OR14I1: variants seen among roughly 807,000 people sequenced by gnomAD.
OR14I1 encodes olfactory receptor family 14 subfamily I member 1.
For missense variants in OR14I1, 279 were observed against 181.8 expected (o/e 1.53, Z -3.07); for synonymous variants, 118 against 71.1 (o/e 1.66, Z -3.32).
chr1:248,701,967 C>A, the OR14I1 span, among the ~76,000 whole-genome samples: 1 of 152,046 alleles, frequency 6.6e-6, no homozygotes, highest in Admixed American at 6.6e-5. Flanking sequence ...CTTACAATCA[C>A]GGTGGAAGGT....
At chr1:248,697,511 G>A in the OR14I1 span, among the ~76,000 whole-genome samples, 14 of 151,296 alleles carry the variant, frequency 9.3e-5, no homozygotes, top group East Asian at 2.5e-3. Context: ...ATGGCCGGGC[G>A]CGGTAGCTCA....
At chr1:248,678,963 G>T (rs1323237801), downstream of OR14I1, among the ~76,000 whole-genome samples, 1 of 152,192 alleles carries the variant, frequency 6.6e-6, no homozygotes, top group Non-Finnish European at 1.5e-5. Flanking sequence ...CCAAAAGCTT[G>T]AAGTTGAAGT....
upstream of OR14I1, among the ~76,000 whole-genome samples, chr1:248,684,728 A>T (rs567474423): frequency 6.8e-6 from 1 of 146,232 alleles, no homozygotes; most frequent in Non-Finnish European, 1.5e-5. Flanking sequence ...CAAATTGTGC[A>T]GTGCATTATT....
chr1:248,685,766 AC>A (rs1313371265), upstream of OR14I1, among the ~76,000 whole-genome samples: 5 of 150,272 alleles, frequency 3.3e-5, no homozygotes, highest in African/African-American at 1.2e-4. Flanking sequence ...ATGTATACAT[AC>A]ATATATATGT....
chr1:248,679,540 C>T (rs1661525403), downstream of OR14I1, among the ~76,000 whole-genome samples: 1 of 152,046 alleles, frequency 6.6e-6, no homozygotes, highest in Non-Finnish European at 1.5e-5. Context: ...TTCTTAGAAG[C>T]CCTGTTGCCT....
chr1:248,682,124 G>C (rs761833364), exon 1 of OR14I1: 39 of 780,956 alleles, frequency 5.0e-5, no homozygotes, highest in Non-Finnish European at 9.1e-5. Flanking sequence ...AGGTTCTTCA[G>C]GAAGAAGTAC....
chr1:248,678,692 A>G (rs1208232001), downstream of OR14I1, among the ~76,000 whole-genome samples: 2 of 152,254 alleles, frequency 1.3e-5, no homozygotes, highest in African/African-American at 2.4e-5. Context: ...AGTATCATTC[A>G]AAAATAAAGG....
the OR14I1 span, among the ~76,000 whole-genome samples, chr1:248,689,783 C>A: frequency 6.6e-6 from 1 of 152,216 alleles, no homozygotes. Flanking sequence ...ACATTCTTCT[C>A]AGCACCACAT....
At chr1:248,681,726 T>C (rs1336722662) in exon 1 of OR14I1, 1 of 780,880 alleles carries the variant, frequency 1.3e-6, no homozygotes, top group Admixed American at 1.7e-5. Context: ...TCAAAAACTC[T>C]ACAAAGAAAA....
At chr1:248,682,159 A>G in exon 1 of OR14I1, 1 of 781,030 alleles carries the variant, frequency 1.3e-6, no homozygotes, top group East Asian at 2.4e-5. Context: ...ATGCTGATCG[A>G]GAGTGATGAC....
At chr1:248,697,862 A>G in the OR14I1 span, among the ~76,000 whole-genome samples, 1 of 152,248 alleles carries the variant, frequency 6.6e-6, no homozygotes, top group Non-Finnish European at 1.5e-5. Context: ...TTTCAAAATA[A>G]GAGCTCTGGA....
downstream of OR14I1, among the ~76,000 whole-genome samples, chr1:248,679,893 G>C (rs184962801): frequency 2.2e-3 from 331 of 152,312 alleles, 1 homozygote; most frequent in African/African-American, 7.0e-3. Flanking sequence ...CATCTTATGA[G>C]AGAAAAACAG....
upstream of OR14I1, among the ~76,000 whole-genome samples, chr1:248,684,625 T>C (rs1271035152): frequency 6.6e-6 from 1 of 152,172 alleles, no homozygotes; most frequent in African/African-American, 2.4e-5. Context: ...AATGGGATAC[T>C]CTACATCAAT....
upstream of OR14I1, among the ~76,000 whole-genome samples, chr1:248,684,114 G>A (rs1661605627): frequency 2.0e-5 from 3 of 152,182 alleles, no homozygotes; most frequent in Admixed American, 2.0e-4. Flanking sequence ...AATGACAAAG[G>A]AGCACTATCC....
the OR14I1 span, among the ~76,000 whole-genome samples, chr1:248,696,006 C>T: frequency 1.3e-5 from 2 of 152,154 alleles, no homozygotes; most frequent in African/African-American, 2.4e-5. Context: ...AAGGCCATCG[C>T]GATCATGTGT....
the OR14I1 span, among the ~76,000 whole-genome samples, chr1:248,701,844 T>G: frequency 6.6e-6 from 1 of 152,156 alleles, no homozygotes; most frequent in African/African-American, 2.4e-5. Flanking sequence ...TAGTCTGTTC[T>G]TGCACTGCTA....
At chr1:248,680,682 G>A (rs959297483), downstream of OR14I1, among the ~76,000 whole-genome samples, 8 of 152,110 alleles carry the variant, frequency 5.3e-5, no homozygotes, top group African/African-American at 1.9e-4. Context: ...ATTAACACAG[G>A]TGTAGAAACT....
the OR14I1 span, among the ~76,000 whole-genome samples, chr1:248,694,901 C>T: frequency 6.6e-6 from 1 of 152,190 alleles, no homozygotes; most frequent in African/African-American, 2.4e-5. Context: ...AATGTCTATG[C>T]CTGTGCTGTC....
downstream of OR14I1, among the ~76,000 whole-genome samples, chr1:248,679,258 A>G (rs975232456): frequency 3.3e-5 from 5 of 152,172 alleles, no homozygotes; most frequent in Non-Finnish European, 7.4e-5. Context: ...TTTTCTGAAT[A>G]CTTAAAGTTC....
Sources: allele counts gnomAD v4.1 joint callset (sites outside exome capture counted in the v4.1 genomes callset), GRCh38; gene constraint gnomAD v4.1.1; transcripts MANE v1.5; gene names NCBI Gene and HGNC (gene_info 2026-07-23, HGNC 2026-07-21).